Variants in BAALC observed in about 807,000 individuals in gnomAD.
BAALC encodes brain and acute leukemia cytoplasmic protein.
A neutral mutation model predicts 15.5 loss-of-function variants in BAALC; 9 were observed. That is an observed-to-expected ratio of 0.58 (90% CI 0.35 to 1.02). The LOEUF is 1.02. BAALC is among the 50% of genes least tolerant of loss of function. The pLI, the probability that BAALC is intolerant of heterozygous loss-of-function variation, is 0.02. For missense variants in BAALC, 201 were observed against 192.4 expected (o/e 1.04, Z -0.27); for synonymous variants, 80 against 74.6 (o/e 1.07, Z -0.37).
chr8:103,168,428 A>G (rs1811397194), intron 1 of BAALC, among the ~76,000 whole-genome samples: 1 of 151,982 alleles, frequency 6.6e-6, no homozygotes, highest in Admixed American at 6.6e-5. Flanking sequence ...TTTTGTTGAC[A>G]CTTTTCGCAG....
At chr8:103,204,197 G>A (rs978209162) in intron 1 of BAALC, among the ~76,000 whole-genome samples, 3 of 152,098 alleles carry the variant, frequency 2.0e-5, no homozygotes, top group Non-Finnish European at 2.9e-5. Context: ...ATCTTTTCAT[G>A]TGTTTATTGG....
intron 1 of BAALC, among the ~76,000 whole-genome samples, chr8:103,142,073 T>C (rs1236021019): frequency 1.3e-5 from 2 of 152,212 alleles, no homozygotes; most frequent in African/African-American, 2.4e-5. Flanking sequence ...CTTCACCCAC[T>C]GATATTATTG....
At chr8:103,191,587 G>A (rs371670766) in intron 1 of BAALC, 14 of 152,168 alleles carry the variant, frequency 9.2e-5, no homozygotes, top group Non-Finnish European at 1.0e-4. Context: ...CGGTTCTAGC[G>A]TGCCAAACCA....
intron 2 of BAALC, 184 bp downstream of exon 2, chr8:103,213,269 G>A: frequency 1.6e-6 from 1 of 606,404 alleles, no homozygotes; most frequent in Non-Finnish European, 2.7e-6. Flanking sequence ...CTGCCTTGAG[G>A]GTTGCTGCTT....
intron 1 of BAALC, among the ~76,000 whole-genome samples, chr8:103,195,000 C>T (rs1812060019): frequency 6.6e-6 from 1 of 152,144 alleles, no homozygotes; most frequent in South Asian, 2.1e-4. Context: ...ACATTCAAAT[C>T]ATACCACCTG....
chr8:103,177,758 G>A (rs972385874), intron 1 of BAALC, among the ~76,000 whole-genome samples: 2 of 152,132 alleles, frequency 1.3e-5, no homozygotes, highest in African/African-American at 4.8e-5. Context: ...TGTTGTGTTA[G>A]GGTAACAAGA....
intron 1 of BAALC, among the ~76,000 whole-genome samples, chr8:103,150,080 G>T (rs1366068644): frequency 6.6e-6 from 1 of 152,132 alleles, no homozygotes; most frequent in African/African-American, 2.4e-5. Context: ...TATGATGGAA[G>T]GTGAAAGGCA....
At chr8:103,175,294 C>T (rs1381265509) in intron 1 of BAALC, among the ~76,000 whole-genome samples, 1 of 152,168 alleles carries the variant, frequency 6.6e-6, no homozygotes, top group African/African-American at 2.4e-5. Context: ...CAACAAAAGG[C>T]AATATTGTGT....
intron 1 of BAALC, among the ~76,000 whole-genome samples, chr8:103,192,256 T>C (rs745327799): frequency 6.6e-6 from 1 of 152,174 alleles, no homozygotes; most frequent in Non-Finnish European, 1.5e-5. Flanking sequence ...TTCATCATAT[T>C]GGTCAAGCTG....
chr8:103,202,944 A>G (rs929289136), intron 1 of BAALC: 1 of 152,256 alleles, frequency 6.6e-6, no homozygotes, highest in Non-Finnish European at 1.5e-5. Flanking sequence ...GTAGCACTAG[A>G]GAGAAGGCAA....
At chr8:103,202,716 A>T (rs540833757) in intron 1 of BAALC, 1 of 152,344 alleles carries the variant, frequency 6.6e-6, no homozygotes, top group East Asian at 1.9e-4. Flanking sequence ...TAAGATATAA[A>T]CACCTTTGGT....
intron 1 of BAALC, chr8:103,141,294 C>G: frequency 2.2e-6 from 1 of 460,132 alleles, no homozygotes; most frequent in Non-Finnish European, 3.7e-6. Context: ...CAGCCCAATG[C>G]TCTTTGGCCT....
intron 1 of BAALC, among the ~76,000 whole-genome samples, chr8:103,162,668 T>G (rs886443444): frequency 6.6e-6 from 1 of 152,094 alleles, no homozygotes; most frequent in African/African-American, 2.4e-5. Flanking sequence ...TATAAATGAG[T>G]CACAAGCCTG....
chr8:103,150,066 C>A (rs907505925), intron 1 of BAALC, among the ~76,000 whole-genome samples: 2 of 152,018 alleles, frequency 1.3e-5, no homozygotes, highest in African/African-American at 4.8e-5. Flanking sequence ...GGAGGCCTCA[C>A]AATTATGATG....
At chr8:103,188,147 C>G (rs1478762017) in intron 1 of BAALC, among the ~76,000 whole-genome samples, 1 of 152,204 alleles carries the variant, frequency 6.6e-6, no homozygotes, top group African/African-American at 2.4e-5. Context: ...ATCTCCCTCT[C>G]TCAAACCCCT....
At chr8:103,199,239 A>T (rs1217890041) in intron 1 of BAALC, among the ~76,000 whole-genome samples, 126 of 152,338 alleles carry the variant, frequency 8.3e-4, no homozygotes, top group Non-Finnish European at 1.3e-3. Flanking sequence ...GCCCTCCAAA[A>T]TGGACAGTTT....
At chr8:103,200,857 G>T (rs540116616) in intron 1 of BAALC, 23 of 560,204 alleles carry the variant, frequency 4.1e-5, no homozygotes, top group Admixed American at 8.9e-5. Context: ...TAAAGGTCCT[G>T]CCTCTTAATA....
intron 1 of BAALC, among the ~76,000 whole-genome samples, chr8:103,169,616 G>C (rs764120256): frequency 3.3e-5 from 5 of 152,148 alleles, no homozygotes; most frequent in African/African-American, 4.8e-5. Context: ...TTGAGGGAAA[G>C]GGAGTGATCA....
At chr8:103,185,679 G>C (rs1269267202) in intron 1 of BAALC, among the ~76,000 whole-genome samples, 1 of 152,238 alleles carries the variant, frequency 6.6e-6, no homozygotes, top group East Asian at 1.9e-4. Context: ...AGACTGGAGG[G>C]ATTGGGATTG....
Sources: allele counts gnomAD v4.1 joint callset (sites outside exome capture counted in the v4.1 genomes callset), GRCh38; gene constraint gnomAD v4.1.1; transcripts MANE v1.5; gene names NCBI Gene and HGNC (gene_info 2026-07-23, HGNC 2026-07-21).